MYO16: variants seen among roughly 807,000 people sequenced by gnomAD.
The protein encoded by MYO16 is myosin XVI, also known as unconventional myosin-XVI.
Under a neutral mutation model 205.3 loss-of-function variants are expected in MYO16, and 94 were observed. The ratio of observed to expected loss-of-function variants is 0.46; its 90% confidence interval spans 0.39 to 0.54. MYO16 has a LOEUF of 0.54. Among genes scored for constraint, MYO16 ranks in the 20% least tolerant of loss-of-function variants. The pLI is 0.00. For synonymous variants in MYO16, 988 were observed against 954.0 expected (o/e 1.04, Z -0.66); for missense variants, 2,315 against 2,387.5 (o/e 0.97, Z 0.63).
At chr13:108,679,093 C>G (rs1000152420) in intron 2 of MYO16, among the ~76,000 whole-genome samples, 2 of 152,164 alleles carry the variant, frequency 1.3e-5, no homozygotes, top group African/African-American at 4.8e-5. Context: ...CCTCCTAGTA[C>G]CATCACATTG....
chr13:108,763,067 C>A (rs545318198), intron 4 of MYO16, among the ~76,000 whole-genome samples: 163 of 152,284 alleles, frequency 1.1e-3, no homozygotes, highest in African/African-American at 3.7e-3. Context: ...CAAATAACTC[C>A]AGTGAAATTA....
intron 25 of MYO16, among the ~76,000 whole-genome samples, chr13:109,053,590 C>T (rs1023178625): frequency 7.9e-5 from 12 of 151,996 alleles, no homozygotes; most frequent in Non-Finnish European, 1.8e-4. Context: ...TTAAACATTA[C>T]GAAGCCTAGG....
chr13:109,003,028 G>A (rs1885268686), intron 21 of MYO16, among the ~76,000 whole-genome samples: 1 of 152,096 alleles, frequency 6.6e-6, no homozygotes, highest in Non-Finnish European at 1.5e-5. Context: ...TTCAAACAAT[G>A]AGTGCTTTGA....
chr13:108,867,504 T>G (rs1878780952), intron 12 of MYO16, among the ~76,000 whole-genome samples: 1 of 152,170 alleles, frequency 6.6e-6, no homozygotes, highest in Non-Finnish European at 1.5e-5. Context: ...AGGGTGTGTG[T>G]GAGCATGAGA....
intron 6 of MYO16, among the ~76,000 whole-genome samples, chr13:108,798,665 T>C (rs982003467): frequency 6.6e-6 from 1 of 151,114 alleles, no homozygotes; most frequent in Admixed American, 6.6e-5. Context: ...TAATTTGATA[T>C]ATCACATCTG....
chr13:108,908,670 T>C (rs548776446), intron 15 of MYO16, among the ~76,000 whole-genome samples: 97 of 152,134 alleles, frequency 6.4e-4, no homozygotes, highest in Non-Finnish European at 3.7e-4. Flanking sequence ...TAATTCACAT[T>C]TGCATTTAAA....
At chr13:108,944,377 G>T (rs182690166) in intron 16 of MYO16, among the ~76,000 whole-genome samples, 1 of 152,252 alleles carries the variant, frequency 6.6e-6, no homozygotes, top group East Asian at 1.9e-4. Flanking sequence ...AAAGGGAAGG[G>T]CACTCTCAAC....
At chr13:108,859,650 C>T (rs146173333) in intron 11 of MYO16, among the ~76,000 whole-genome samples, 16 of 152,224 alleles carry the variant, frequency 1.1e-4, no homozygotes, top group Non-Finnish European at 7.4e-5. Flanking sequence ...GACACATGCT[C>T]GCCAGGAAAT....
chr13:108,661,731 C>T (rs1881511217), intron 1 of MYO16, among the ~76,000 whole-genome samples: 1 of 152,064 alleles, frequency 6.6e-6, no homozygotes, highest in Admixed American at 6.5e-5. Flanking sequence ...CTTTCACTTT[C>T]TCTGGTCTCT....
chr13:108,563,711 A>G, the MYO16 span, among the ~76,000 whole-genome samples: 1 of 152,164 alleles, frequency 6.6e-6, no homozygotes, highest in African/African-American at 2.4e-5. Context: ...CATTGTTTAT[A>G]AGTACCACAT....
At chr13:108,787,061 C>T (rs570275537) in intron 5 of MYO16, among the ~76,000 whole-genome samples, 146 of 152,278 alleles carry the variant, frequency 9.6e-4, no homozygotes, top group African/African-American at 2.9e-3. Flanking sequence ...AAAAACTTGG[C>T]GCAATGGTGC....
At chr13:108,676,417 T>C in intron 2 of MYO16, among the ~76,000 whole-genome samples, 1 of 109,590 alleles carries the variant, frequency 9.1e-6, no homozygotes, top group Non-Finnish European at 2.0e-5. Context: ...GCCAGCCATC[T>C]CTCTAAACAC....
intron 29 of MYO16, 85 bp downstream of exon 29, chr13:109,120,551 A>C: frequency 3.0e-6 from 3 of 997,834 alleles, no homozygotes; most frequent in Non-Finnish European, 4.6e-6. Context: ...TTAAATGTCG[A>C]TGGGGTCTGC....
intron 33 of MYO16, among the ~76,000 whole-genome samples, chr13:109,174,950 C>T (rs1262229968): frequency 6.6e-6 from 1 of 151,548 alleles, no homozygotes. Flanking sequence ...CAGGGTTTCA[C>T]CGTGTTAGCC....
intron 33 of MYO16, among the ~76,000 whole-genome samples, chr13:109,177,680 G>A (rs1260314513): frequency 6.6e-6 from 1 of 151,958 alleles, no homozygotes; most frequent in East Asian, 1.9e-4. Context: ...ACCGTGCCCG[G>A]GTAATTTTGT....
chr13:109,022,560 T>C (rs1886099057), intron 23 of MYO16, among the ~76,000 whole-genome samples: 1 of 129,180 alleles, frequency 7.7e-6, no homozygotes. Flanking sequence ...TTCTATATTC[T>C]ACATACACAT....
At chr13:109,024,813 G>C (rs1886308867) in intron 23 of MYO16, among the ~76,000 whole-genome samples, 1 of 152,068 alleles carries the variant, frequency 6.6e-6, no homozygotes, top group African/African-American at 2.4e-5. Context: ...GTTCAGTGTA[G>C]ATTATATGTA....
At chr13:108,605,700 C>T (rs1457707453) in intron 1 of MYO16, among the ~76,000 whole-genome samples, 1 of 152,080 alleles carries the variant, frequency 6.6e-6, no homozygotes, top group Non-Finnish European at 1.5e-5. Flanking sequence ...AACCTCTTTC[C>T]TTTATAAATT....
At chr13:108,728,166 A>T (rs1884403500) in intron 4 of MYO16, among the ~76,000 whole-genome samples, 1 of 152,194 alleles carries the variant, frequency 6.6e-6, no homozygotes, top group African/African-American at 2.4e-5. Flanking sequence ...TAGAAAACAC[A>T]CTGGAATATA....
Sources: allele counts gnomAD v4.1 joint callset (sites outside exome capture counted in the v4.1 genomes callset), GRCh38; gene constraint gnomAD v4.1.1; transcripts MANE v1.5; gene names NCBI Gene and HGNC (gene_info 2026-07-23, HGNC 2026-07-21).